CDCA7L: variants seen among roughly 807,000 people sequenced by gnomAD.
CDCA7L encodes cell division cycle associated 7 like.
Under a neutral mutation model 57.4 loss-of-function variants are expected in CDCA7L, and 44 were observed. The ratio of observed to expected loss-of-function variants is 0.77; its 90% CI spans 0.60 to 0.98. The LOEUF is 0.98. CDCA7L is among the 50% of genes least tolerant of loss of function. CDCA7L has a pLI of 0.00. For synonymous variants in CDCA7L, 236 were observed against 202.8 expected (o/e 1.16, Z -1.39); for missense variants, 644 against 580.6 (o/e 1.11, Z -1.12).
chr7:21,920,300 T>C (rs1583860082), intron 1 of CDCA7L, among the ~76,000 whole-genome samples: 2 of 152,366 alleles, frequency 1.3e-5, no homozygotes, highest in African/African-American at 4.8e-5. Context: ...TACAGAGTTG[T>C]GTATTCAAAA....
chr7:21,914,298 G>A lies in CDCA7L; in HGVS notation c.165+2456C>T, dbSNP rs180747014. 2.5e-3 allele frequency among the ~76,000 whole-genome samples: 386 copies of A among 152,264 alleles called. 1 individual carries two copies. The highest frequency in any genetic ancestry group is 8.3e-3 in the African/African-American group (343 of 41,536). On this transcript the variant is annotated intron_variant, in intron 2 of 9. Coordinates refer to ENST00000406877, the MANE Select transcript of CDCA7L (RefSeq NM_018719.5). The stretch of plus-strand genomic sequence containing the variant: ...GAGGAAAGGAACAATACATGAGGAC[G>A]AAAAGTCAGAGCCAGGGAAGCTAGA...
chr7:21,925,477 G>A (rs1785795047), intron 1 of CDCA7L, among the ~76,000 whole-genome samples: 1 of 152,084 alleles, frequency 6.6e-6, no homozygotes, highest in Admixed American at 6.5e-5. Flanking sequence ...TCTAAAATAG[G>A]GCAGTTAATT....
intron 3 of CDCA7L, among the ~76,000 whole-genome samples, chr7:21,910,821 A>G (rs1366677319): frequency 6.6e-6 from 1 of 152,090 alleles, no homozygotes; most frequent in African/African-American, 2.4e-5. Flanking sequence ...CTTTAACACT[A>G]AAAAGCATGA....
intron 1 of CDCA7L, among the ~76,000 whole-genome samples, chr7:21,943,610 C>G (rs1481901658): frequency 6.6e-6 from 1 of 152,186 alleles, no homozygotes; most frequent in Non-Finnish European, 1.5e-5. Context: ...CAGAACCACT[C>G]TCCACTAATT....
rs192679466 is a variant in CDCA7L at position 21,920,512 on chromosome 7, A to G, written c.25-3618T>C. Among the ~76,000 whole-genome samples, 599 of 152,374 alleles carry G rather than the reference A, an allele frequency of 3.9e-3. 6 individuals are homozygous for G. Among genetic ancestry groups the G allele is most frequent in the African/African-American group, 0.013 (560 of 41,592 alleles). ...TACAGAAATGGGATACCCCAAGTTC[A>G]GTGATGCTGAAGGGTTAATACAAAC... On this transcript the variant is annotated intron_variant, in intron 1 of 9. Coordinates refer to ENST00000406877, the MANE Select transcript of CDCA7L (RefSeq NM_018719.5).
In CDCA7L at chr7:21,904,168, C is replaced by CAGAA; in HGVS notation, c.1135_1138dup (p.Cys380PhefsTer41). On this transcript the variant is annotated frameshift_variant, in exon 8 of 10. Coordinates refer to ENST00000406877, the MANE Select transcript of CDCA7L (RefSeq NM_018719.5). LOFTEE classifies it high-confidence loss of function. ...ATAGCGGTTCCGCAGGCATGGTCCA[C>CAGAA]AGAACTGTCCTCGCACACCACAGCA... 6.2e-7 allele frequency: 1 copy of CAGAA among 1,613,792 alleles called. No homozygotes were observed. Among genetic ancestry groups the CAGAA allele is most frequent in the Non-Finnish European group, 8.5e-7 (1 of 1,179,860 alleles).
intron 1 of CDCA7L, among the ~76,000 whole-genome samples, chr7:21,933,127 C>T (rs920243145): frequency 3.9e-5 from 6 of 151,940 alleles, no homozygotes; most frequent in Non-Finnish European, 7.4e-5. Flanking sequence ...GTTAGAATGG[C>T]GAACATTAAA....
At chr7:21,920,857 C>A (rs1355190977) in intron 1 of CDCA7L, among the ~76,000 whole-genome samples, 3 of 152,198 alleles carry the variant, frequency 2.0e-5, no homozygotes, top group African/African-American at 7.2e-5. Context: ...ATAATAGCCA[C>A]TGAGTTCAGT....
rs58865336 is a variant in CDCA7L, at chr7:21,935,598, G to GAA, written c.24+10181_24+10182dup. On this transcript the variant is annotated intron_variant, in intron 1 of 9. Transcript: ENST00000406877. ...CAATGAAGCCAAAAGTTTATTCTTTGAAAAAAAAAATCAACAAATTGGCAA... is the reference window on the plus strand; with the variant it reads ...CAATGAAGCCAAAAGTTTATTCTTTGAAAAAAAAAAAATCAACAAATTGGCAA... Among the ~76,000 whole-genome samples the GAA allele has an allele frequency of 7.7e-3, 1,156 of 150,246 alleles. 14 individuals carry two copies. Among genetic ancestry groups the GAA allele is most frequent in the African/African-American group, 0.026 (1,058 of 41,062 alleles).
chr7:21,923,173 G>A (rs1208931651), intron 1 of CDCA7L, among the ~76,000 whole-genome samples: 1 of 152,108 alleles, frequency 6.6e-6, no homozygotes. Context: ...AATTTAAAAA[G>A]AATTCAACGA....
At chr7:21,926,799 C>G (rs10950883) in intron 1 of CDCA7L, among the ~76,000 whole-genome samples, 32,402 of 152,070 alleles carry the variant, frequency 0.21, 4,182 homozygotes, top group East Asian at 0.55. Context: ...CTTAAGCCTG[C>G]GAGTTTGAGG....
rs1464747978 is a variant in CDCA7L at position 21,902,232 on chromosome 7, A to ACTGTAAAAAAATCTT, written c.*75_*89dup. ...CAAAGAATTTCTGTATAAAAACACA[A>ACTGTAAAAAAATCTT]CTGTAAAAAAATCTTTCTTAGGCAC... On this transcript the variant is annotated 3_prime_UTR_variant, in exon 10 of 10. Coordinates refer to ENST00000406877, the MANE Select transcript of CDCA7L (RefSeq NM_018719.5). 9.1e-7 allele frequency: 1 copy of ACTGTAAAAAAATCTT among 1,100,774 alleles called. No individual in the cohort carries two copies. Among genetic ancestry groups the ACTGTAAAAAAATCTT allele is most frequent in the East Asian group, 2.5e-5 (1 of 40,582 alleles). 68.2% of individuals were successfully genotyped at this position (1,100,774 alleles called of 1,614,324 possible). A position where few individuals can be genotyped will look rare whatever the true frequency, so the allele number is the denominator to read the frequency against.
chr7:21,903,168 G>C (rs1325694997), intron 8 of CDCA7L, 54 bp from the exon 9 acceptor site: 4 of 1,562,858 alleles, frequency 2.6e-6, no homozygotes, highest in Non-Finnish European at 3.5e-6. Flanking sequence ...GGTCTGGCAA[G>C]AACTGGGATT....
intron 1 of CDCA7L, among the ~76,000 whole-genome samples, chr7:21,941,886 G>A (rs181804012): frequency 7.2e-5 from 11 of 152,216 alleles, no homozygotes; most frequent in South Asian, 2.1e-4. Flanking sequence ...ATTCCTTGGG[G>A]GCAAAAAAGG....
At chr7:21,913,097 C>A (rs1170301797) in intron 2 of CDCA7L, among the ~76,000 whole-genome samples, 4 of 152,110 alleles carry the variant, frequency 2.6e-5, no homozygotes, top group African/African-American at 9.7e-5. Flanking sequence ...TCTGTATCTA[C>A]CCCACTGCGT....
chr7:21,925,114 A>G (rs141158764), intron 1 of CDCA7L, among the ~76,000 whole-genome samples: 1 of 152,294 alleles, frequency 6.6e-6, no homozygotes, highest in African/African-American at 2.4e-5. Flanking sequence ...CAAACAAAAA[A>G]AGGTAGGGCA....
At chr7:21,923,023 G>T (rs1029467935) in intron 1 of CDCA7L, among the ~76,000 whole-genome samples, 1 of 152,178 alleles carries the variant, frequency 6.6e-6, no homozygotes, top group East Asian at 1.9e-4. Flanking sequence ...AGGGAGAAAC[G>T]TGGAGTTACT....
intron 3 of CDCA7L, among the ~76,000 whole-genome samples, chr7:21,911,246 T>G (rs942401963): frequency 8.6e-5 from 13 of 151,758 alleles, no homozygotes; most frequent in African/African-American, 3.1e-4. Flanking sequence ...GTGAGGCTGG[T>G]CTTGAACTCC....
At chr7:21,940,864 C>T (rs1374136157) in intron 1 of CDCA7L, among the ~76,000 whole-genome samples, 1 of 152,138 alleles carries the variant, frequency 6.6e-6, no homozygotes, top group African/African-American at 2.4e-5. Flanking sequence ...CTAGGCAGAC[C>T]GGATGTAAAG....
Sources: allele counts gnomAD v4.1 joint callset (sites outside exome capture counted in the v4.1 genomes callset), GRCh38; gene constraint gnomAD v4.1.1; transcripts MANE v1.5; gene names NCBI Gene and HGNC (gene_info 2026-07-23, HGNC 2026-07-21).